CALN1: variants seen among roughly 807,000 people sequenced by gnomAD.
CALN1 encodes calcium-binding protein 8.
CALN1 carries 17 observed loss-of-function variants against 30.6 expected under a neutral mutation model. The ratio of observed to expected loss-of-function variants is 0.56; its 90% CI spans 0.38 to 0.83. CALN1 has a LOEUF of 0.83. CALN1 is among the 40% of genes least tolerant of loss of function. The pLI is 0.00. For synonymous variants in CALN1, 156 were observed against 131.4 expected (o/e 1.19, Z -1.28); for missense variants, 291 against 354.9 (o/e 0.82, Z 1.45).
intron 5 of CALN1, among the ~76,000 whole-genome samples, chr7:71,916,853 G>A (rs1330772350): frequency 1.3e-5 from 2 of 152,108 alleles, no homozygotes; most frequent in Non-Finnish European, 2.9e-5. Flanking sequence ...AGTAGCATAG[G>A]TTCTGAACAT....
At chr7:71,881,836 A>T (rs1252100545) in intron 5 of CALN1, among the ~76,000 whole-genome samples, 1 of 151,744 alleles carries the variant, frequency 6.6e-6, no homozygotes, top group Admixed American at 6.6e-5. Context: ...ACTTTGGGAG[A>T]CGTAGGTGGG....
chr7:72,357,948 G>C (rs1803338188), intron 2 of CALN1, among the ~76,000 whole-genome samples: 1 of 150,788 alleles, frequency 6.6e-6, no homozygotes, highest in Admixed American at 6.6e-5. Context: ...AGGATTACTG[G>C]CACACACCAC....
In CALN1 at chr7:71,892,815, G is replaced by A. The variant is rs187608064; in HGVS notation, c.502-82323C>T. 2.6e-5 allele frequency among the ~76,000 whole-genome samples: 4 copies of A among 152,078 alleles called. No individual in the cohort carries two copies. In the South Asian group the frequency reaches 6.2e-4, roughly 24 times the overall value. ...TCACATTTTGTATGTTCTGAGTTTT[G>A]TATGTTTCTAATAGTTAAATAATTA... On this transcript the variant is annotated intron_variant, in intron 5 of 6. Coordinates refer to ENST00000395275, the MANE Select transcript of CALN1 (RefSeq NM_031468.4).
intron 5 of CALN1, among the ~76,000 whole-genome samples, chr7:71,958,055 A>C (rs1797049435): frequency 7.4e-6 from 1 of 134,518 alleles, no homozygotes; most frequent in Admixed American, 8.2e-5. Flanking sequence ...ACAAGAGTGA[A>C]ACTCCATCTC....
intron 5 of CALN1, among the ~76,000 whole-genome samples, chr7:71,971,123 T>C (rs1407987166): frequency 6.6e-6 from 1 of 152,158 alleles, no homozygotes; most frequent in African/African-American, 2.4e-5. Context: ...TGAGTGTGTC[T>C]GCTGGAAGGC....
intron 5 of CALN1, among the ~76,000 whole-genome samples, chr7:71,847,776 G>GAAT (rs747761228): frequency 1.5e-5 from 1 of 66,860 alleles, no homozygotes; most frequent in African/African-American, 4.0e-5. Context: ...GAAGAAGAAA[G>GAAT]AAGAAGAAGA....
chr7:72,213,240 T>C (rs187721044), intron 3 of CALN1, among the ~76,000 whole-genome samples: 1 of 152,338 alleles, frequency 6.6e-6, no homozygotes, highest in East Asian at 1.9e-4. Flanking sequence ...CTCTAGCAAG[T>C]TGTCCGGGAC....
chr7:72,462,731 A>G, the CALN1 span, among the ~76,000 whole-genome samples: 1 of 152,228 alleles, frequency 6.6e-6, no homozygotes, highest in African/African-American at 2.4e-5. Flanking sequence ...CTTTTTCCCC[A>G]GAATTCTAGA....
At chr7:72,458,982 C>A in the CALN1 span, among the ~76,000 whole-genome samples, 175 of 141,296 alleles carry the variant, frequency 1.2e-3, no homozygotes, top group African/African-American at 4.4e-3. Flanking sequence ...ACAACCTCAG[C>A]TCACTGCAAC....
At chr7:72,271,575 A>AAAAAAAAAAAAAAAATATATATATATAT in intron 3 of CALN1, among the ~76,000 whole-genome samples, 24 of 52,106 alleles carry the variant, frequency 4.6e-4, no homozygotes, top group African/African-American at 2.3e-3. Context: ...AAAAAAAAAA[A>AAAAAAAAAAAAAAAATATATATATATAT]ATATATATAT....
At chr7:72,304,219 T>C (rs1446356040) in intron 2 of CALN1, among the ~76,000 whole-genome samples, 1 of 152,140 alleles carries the variant, frequency 6.6e-6, no homozygotes, top group Non-Finnish European at 1.5e-5. Flanking sequence ...TCAATTCAGA[T>C]TGGAAAAATA....
intron 5 of CALN1, among the ~76,000 whole-genome samples, chr7:71,938,678 A>T (rs1340763504): frequency 6.6e-6 from 1 of 151,994 alleles, no homozygotes; most frequent in Non-Finnish European, 1.5e-5. Flanking sequence ...ACCTATAGTC[A>T]CAGCTACTCG....
intron 2 of CALN1, among the ~76,000 whole-genome samples, chr7:72,371,833 T>C (rs1298539429): frequency 6.6e-6 from 1 of 152,198 alleles, no homozygotes; most frequent in Non-Finnish European, 1.5e-5. Context: ...CTGGGTAAGA[T>C]AAAGTAAGCA....
At position 72,341,392 on chromosome 7, in the gene CALN1, G is replaced by A. The variant is rs138798848; in HGVS notation, c.119+61859C>T. Among the ~76,000 whole-genome samples the A allele has an allele frequency of 9.0e-3, 1,364 of 152,234 alleles. 19 individuals carry two copies. The highest frequency in any genetic ancestry group is 0.031 in the African/African-American group (1,286 of 41,514). On this transcript the variant is annotated intron_variant, in intron 2 of 6. Coordinates refer to ENST00000395275, the MANE Select transcript of CALN1 (RefSeq NM_031468.4). Reference sequence around the variant, plus strand: ...ACAAAAATTAGCTAGGCATGGTGGTGGATGCCTGTAATCCCAGCTACTTTG... The same window carrying A: ...ACAAAAATTAGCTAGGCATGGTGGTAGATGCCTGTAATCCCAGCTACTTTG...
intron 2 of CALN1, among the ~76,000 whole-genome samples, chr7:72,368,810 T>C (rs1005604869): frequency 2.2e-5 from 1 of 46,422 alleles, no homozygotes; most frequent in Non-Finnish European, 5.2e-5. Context: ...TTTGAAACCC[T>C]TTTTTTTTTT....
chr7:72,038,230 A>G (rs1291471332), intron 4 of CALN1, among the ~76,000 whole-genome samples: 1 of 152,130 alleles, frequency 6.6e-6, no homozygotes, highest in Non-Finnish European at 1.5e-5. Flanking sequence ...ACACAAGTAC[A>G]GTGTTGTAGG....
chr7:72,022,669 C>T (rs964261429), intron 5 of CALN1, among the ~76,000 whole-genome samples: 2 of 152,170 alleles, frequency 1.3e-5, no homozygotes, highest in Non-Finnish European at 2.9e-5. Flanking sequence ...ACTGGAACTA[C>T]AGGCATGAGC....
chr7:71,900,494 T>C (rs1255531432), intron 5 of CALN1, among the ~76,000 whole-genome samples: 1 of 152,216 alleles, frequency 6.6e-6, no homozygotes, highest in East Asian at 1.9e-4. Context: ...GAAGAATTAG[T>C]AGCAGTTCTA....
chr7:72,393,463 CA>C (rs1562943630), intron 2 of CALN1, among the ~76,000 whole-genome samples: 2 of 152,042 alleles, frequency 1.3e-5, no homozygotes, highest in African/African-American at 4.8e-5. Context: ...GACTCCGTCT[CA>C]AAAAACAAAA....
Sources: allele counts gnomAD v4.1 joint callset (sites outside exome capture counted in the v4.1 genomes callset), GRCh38; gene constraint gnomAD v4.1.1; transcripts MANE v1.5; gene names NCBI Gene and HGNC (gene_info 2026-07-23, HGNC 2026-07-21).